PRKCB: variants seen among roughly 807,000 people sequenced by gnomAD.
PRKCB encodes the protein protein kinase C beta.
A neutral mutation model predicts 81.5 loss-of-function variants in PRKCB; 13 were observed. The ratio of observed to expected loss-of-function variants is 0.16; its 90% CI spans 0.10 to 0.25. The LOEUF (loss-of-function observed/expected upper bound fraction) is 0.25, where lower values mean the gene tolerates loss of function less well. PRKCB is among the 10% of genes least tolerant of loss of function. The probability of loss-of-function intolerance (pLI) is 1.00; values close to 1 mark genes in which losing one functional copy is unlikely to be tolerated. For synonymous variants in PRKCB, 335 were observed against 321.4 expected (o/e 1.04, Z -0.45); for missense variants, 509 against 875.7 (o/e 0.58, Z 5.29).
chr16:23,948,440 G>A (rs917580355), intron 2 of PRKCB, among the ~76,000 whole-genome samples: 4 of 152,106 alleles, frequency 2.6e-5, no homozygotes, highest in African/African-American at 9.7e-5. Context: ...GTCTTGCTCT[G>A]TTGCCCAGGC....
chr16:23,985,300 T>C (rs1964790438), intron 2 of PRKCB, among the ~76,000 whole-genome samples: 1 of 152,170 alleles, frequency 6.6e-6, no homozygotes, highest in Admixed American at 6.5e-5. Flanking sequence ...TTTCACCATG[T>C]TGGCCAGGCT....
chr16:24,007,948 A>C (rs181525610), intron 3 of PRKCB, among the ~76,000 whole-genome samples: 197 of 151,526 alleles, frequency 1.3e-3, no homozygotes, highest in African/African-American at 4.7e-3. Context: ...TCATGCCCTC[A>C]TGAGGGCTCC....
intron 5 of PRKCB, among the ~76,000 whole-genome samples, chr16:24,045,934 G>C (rs970024608): frequency 1.3e-5 from 2 of 152,230 alleles, no homozygotes; most frequent in African/African-American, 4.8e-5. Context: ...CTCCAGCCCC[G>C]CGTTGGCCAT....
At chr16:24,171,896 G>C (rs536689178) in intron 10 of PRKCB, among the ~76,000 whole-genome samples, 1 of 151,972 alleles carries the variant, frequency 6.6e-6, no homozygotes, top group Non-Finnish European at 1.5e-5. Flanking sequence ...ACCACGATTC[G>C]CTAATTTTTG....
chr16:24,189,305 T>C (rs1448028154), intron 15 of PRKCB, among the ~76,000 whole-genome samples: 1 of 152,108 alleles, frequency 6.6e-6, no homozygotes, highest in Non-Finnish European at 1.5e-5. Flanking sequence ...ACTCACCTCA[T>C]TGGGTTATTA....
In PRKCB at chr16:24,125,949, C is replaced by G. The variant is rs142114025; in HGVS notation, c.1065+1968C>G. 2.4e-4 allele frequency among the ~76,000 whole-genome samples: 36 copies of G among 152,280 alleles called. No individual in the cohort carries two copies. The East Asian group carries it at 5.8e-3, about 24-fold the overall frequency. ...GTCCACAACGTTGTATGGTTTTTACCAGCAGCTCTGAGTATCCCTGGGGTG... is the reference window on the plus strand; with the variant it reads ...GTCCACAACGTTGTATGGTTTTTACGAGCAGCTCTGAGTATCCCTGGGGTG... On this transcript the variant is annotated intron_variant, in intron 9 of 16. Coordinates refer to ENST00000643927, the MANE Select transcript of PRKCB (RefSeq NM_002738.7).
At chr16:23,971,040 A>G (rs894232862) in intron 2 of PRKCB, among the ~76,000 whole-genome samples, 1 of 152,226 alleles carries the variant, frequency 6.6e-6, no homozygotes, top group African/African-American at 2.4e-5. Flanking sequence ...TAGTAGATGT[A>G]CTTTCTATGG....
intron 5 of PRKCB, among the ~76,000 whole-genome samples, chr16:24,048,769 A>C (rs1025736180): frequency 1.3e-5 from 2 of 152,120 alleles, no homozygotes; most frequent in African/African-American, 4.8e-5. Flanking sequence ...GGTGTGAGTC[A>C]CCGTGCCCAG....
At chr16:24,031,323 G>A (rs1434674652) in intron 3 of PRKCB, among the ~76,000 whole-genome samples, 2 of 152,218 alleles carry the variant, frequency 1.3e-5, no homozygotes, top group African/African-American at 4.8e-5. Flanking sequence ...TGGTAGGGTG[G>A]CTTTGTCCTT....
intron 5 of PRKCB, 121 bp downstream of exon 5, chr16:24,035,668 G>A (rs984323445): frequency 1.5e-5 from 16 of 1,087,446 alleles, no homozygotes; most frequent in Non-Finnish European, 1.9e-5. Context: ...GGGACGGGGA[G>A]GGGGTGTGGC....
chr16:23,846,613 A>G (rs1460483811), intron 2 of PRKCB, among the ~76,000 whole-genome samples: 2 of 150,856 alleles, frequency 1.3e-5, no homozygotes, highest in African/African-American at 4.8e-5. Context: ...CGTCTCAAAA[A>G]AAAAAAAAAA....
intron 2 of PRKCB, among the ~76,000 whole-genome samples, chr16:23,926,408 C>T (rs11641926): frequency 0.38 from 57,717 of 151,324 alleles, 11,423 homozygotes; most frequent in South Asian, 0.55. Flanking sequence ...CACTTGAACC[C>T]GGGAGGTGGA....
At chr16:24,131,602 T>C (rs1966853470) in intron 9 of PRKCB, among the ~76,000 whole-genome samples, 1 of 152,250 alleles carries the variant, frequency 6.6e-6, no homozygotes, top group Non-Finnish European at 1.5e-5. Context: ...TATTCGATCA[T>C]ATTTTTCTTT....
At chr16:24,031,189 T>A (rs1051865460) in intron 3 of PRKCB, among the ~76,000 whole-genome samples, 1 of 152,226 alleles carries the variant, frequency 6.6e-6, no homozygotes, top group African/African-American at 2.4e-5. Context: ...ATCAAGGGCA[T>A]ATTTATTGAT....
Position 24,040,549 on chromosome 16 carries a change from C to T in PRKCB, c.529+5002C>T, listed in dbSNP as rs1482618549. ...TTAATGTCTGCATCTCATCACAAGG[C>T]ATTAGCTCCATGAGGGCGGGACTGT... On this transcript the variant is annotated intron_variant, in intron 5 of 16. Coordinates refer to ENST00000643927, the MANE Select transcript of PRKCB (RefSeq NM_002738.7). 2.6e-5 allele frequency among the ~76,000 whole-genome samples: 4 copies of T among 152,280 alleles called. No individual in the cohort carries two copies. In the East Asian group the frequency reaches 5.8e-4, roughly 22 times the overall value.
At chr16:23,915,294 C>T (rs754378093) in intron 2 of PRKCB, among the ~76,000 whole-genome samples, 8 of 152,138 alleles carry the variant, frequency 5.3e-5, no homozygotes, top group East Asian at 1.9e-4. Context: ...TATTTTCTGG[C>T]GGCCCCTATG....
rs866083325 is a variant in PRKCB, at chr16:23,895,316, G to A, written c.205+57910G>A. Among the ~76,000 whole-genome samples the A allele has an allele frequency of 6.6e-5, 10 of 151,810 alleles. No homozygotes were observed. The South Asian group carries it at 1.7e-3, about 25-fold the overall frequency. On this transcript the variant is annotated intron_variant, in intron 2 of 16. Coordinates refer to ENST00000643927, the MANE Select transcript of PRKCB (RefSeq NM_002738.7). Reference sequence around the variant, plus strand: ...TTATGAGCTTTGCCAGAGTGTCACTGTTTTATTTTTCCCCTCAAACAACCA... The same window carrying A: ...TTATGAGCTTTGCCAGAGTGTCACTATTTTATTTTTCCCCTCAAACAACCA...
At chr16:24,062,731 A>C (rs575008339) in intron 5 of PRKCB, among the ~76,000 whole-genome samples, 1 of 152,112 alleles carries the variant, frequency 6.6e-6, no homozygotes, top group Non-Finnish European at 1.5e-5. Flanking sequence ...TCTGGCAGCC[A>C]GGAGGACAGC....
chr16:23,989,586 A>G (rs7194004), intron 3 of PRKCB, among the ~76,000 whole-genome samples: 88,934 of 152,054 alleles, frequency 0.58, 26,304 homozygotes, highest in South Asian at 0.79. Context: ...TTTTGCATTT[A>G]TGATAAGGAT....
Sources: gnomAD v4.1 joint callset for allele counts (sites outside exome capture counted in the v4.1 genomes callset) on GRCh38, gnomAD v4.1.1 for gene constraint, MANE v1.5 for transcripts, NCBI Gene and HGNC (gene_info 2026-07-23, HGNC 2026-07-21) for gene names.